The following PSD3 variants were observed in gnomAD, a reference collection of about 807,000 sequenced individuals.
PSD3 encodes the protein pleckstrin and Sec7 domain containing 3.
In PSD3, 49 loss-of-function variants were observed where a neutral mutation model predicts 105.5. The ratio of observed to expected loss-of-function variants is 0.46; its 90% confidence interval spans 0.37 to 0.59. The LOEUF is 0.59. PSD3 is among the 20% of genes least tolerant of loss of function. The probability of loss-of-function intolerance (pLI) is 0.00; values close to 1 mark genes in which losing one functional copy is unlikely to be tolerated. For synonymous variants in PSD3, 557 were observed against 457.8 expected (o/e 1.22, Z -2.77); for missense variants, 1,561 against 1,263.8 (o/e 1.24, Z -3.57).
intron 1 of PSD3, among the ~76,000 whole-genome samples, chr8:18,973,551 C>A (rs1354966932): frequency 6.6e-6 from 1 of 152,096 alleles, no homozygotes; most frequent in African/African-American, 2.4e-5. Context: ...TCCTTATGAC[C>A]CCATTTAACC....
chr8:18,805,006 T>G, intron 4 of PSD3, 108 bp from the exon 5 acceptor site: 1 of 938,106 alleles, frequency 1.1e-6, no homozygotes, highest in Non-Finnish European at 1.6e-6. Flanking sequence ...TACACTTAGA[T>G]GAGATCACTG....
intron 2 of PSD3, among the ~76,000 whole-genome samples, chr8:18,883,177 C>G (rs74829183): frequency 6.6e-6 from 1 of 152,122 alleles, no homozygotes; most frequent in Non-Finnish European, 1.5e-5. Flanking sequence ...GAGAAACACA[C>G]CTCCAGAAAA....
chr8:19,072,848 T>A (rs1245393533), intron 1 of PSD3, among the ~76,000 whole-genome samples: 2 of 152,210 alleles, frequency 1.3e-5, no homozygotes, highest in Non-Finnish European at 2.9e-5. Flanking sequence ...GGCTCTGAAG[T>A]CTGTACTGTG....
intron 2 of PSD3, among the ~76,000 whole-genome samples, chr8:18,920,506 G>GA (rs915710138): frequency 2.6e-5 from 4 of 152,166 alleles, no homozygotes; most frequent in African/African-American, 9.7e-5. Flanking sequence ...GTGATACTTT[G>GA]AAATAGTAAA....
rs1799736527 is a variant in PSD3 at position 18,534,091 on chromosome 8, CCACTTAGA to C, written c.*1644_*1651del. 1.3e-5 allele frequency: 2 copies of C among 152,276 alleles called. No individual in the cohort carries two copies. The highest frequency in any genetic ancestry group is 2.9e-5 in the Non-Finnish European group (2 of 68,022). 9.4% of individuals were successfully genotyped at this position (152,276 alleles called of 1,614,324 possible). A position where few individuals can be genotyped will look rare whatever the true frequency, so the allele number is the denominator to read the frequency against. ...AATGCTAGTACATCATAATAACATA[CCACTTAGA>C]CACTACCATGGCTTTACAGCAGGTT... On this transcript the variant is annotated 3_prime_UTR_variant, in exon 16 of 16. Transcript: ENST00000327040.
chr8:18,852,113 C>T (rs1461448473), intron 4 of PSD3, among the ~76,000 whole-genome samples: 2 of 152,010 alleles, frequency 1.3e-5, no homozygotes, highest in African/African-American at 4.8e-5. Context: ...CAAAAATTTC[C>T]CTTGACTGTT....
At chr8:18,625,187 TAC>T (rs3042894) in intron 11 of PSD3, among the ~76,000 whole-genome samples, 41,766 of 148,958 alleles carry the variant, frequency 0.28, 5,697 homozygotes, top group Middle Eastern at 0.3. Context: ...AGGTGGGGAA[TAC>T]ACACACACAC....
At position 18,675,324 on chromosome 8, in the gene PSD3, C is replaced by T. The variant is rs116877095; in HGVS notation, c.2173-19639G>A. 6.0e-3 allele frequency among the ~76,000 whole-genome samples: 913 copies of T among 152,292 alleles called. 16 individuals carry two copies. Among genetic ancestry groups the T allele is most frequent in the East Asian group, 0.036 (188 of 5,168 alleles). On this transcript the variant is annotated intron_variant, in intron 9 of 15. Coordinates refer to ENST00000327040, the MANE Select transcript of PSD3 (RefSeq NM_015310.4). ...GTGGATTTCTGAGTAGTAGAGCTGACGCTGACACCACTAAACTGCAGCTGA... is the reference window on the plus strand; with the variant it reads ...GTGGATTTCTGAGTAGTAGAGCTGATGCTGACACCACTAAACTGCAGCTGA...
chr8:18,574,312 G>C (rs991621024), intron 13 of PSD3, among the ~76,000 whole-genome samples: 1 of 151,982 alleles, frequency 6.6e-6, no homozygotes, highest in Non-Finnish European at 1.5e-5. Context: ...ACTGTTTTTT[G>C]CATCAATTCT....
chr8:18,849,865 G>T (rs946928437), intron 4 of PSD3, among the ~76,000 whole-genome samples: 2 of 150,368 alleles, frequency 1.3e-5, no homozygotes, highest in African/African-American at 5.0e-5. Context: ...CAATCGATGA[G>T]TTCCCCAAGG....
At chr8:18,591,951 G>A (rs1355784357) in intron 12 of PSD3, among the ~76,000 whole-genome samples, 1 of 152,120 alleles carries the variant, frequency 6.6e-6, no homozygotes, top group Non-Finnish European at 1.5e-5. Context: ...GGCTTCTGCT[G>A]TAGCAAGCCA....
chr8:18,852,271 C>CA (rs1329236451), intron 4 of PSD3, among the ~76,000 whole-genome samples: 2 of 152,128 alleles, frequency 1.3e-5, no homozygotes, highest in African/African-American at 4.8e-5. Context: ...CCAGGAAACT[C>CA]AGACCAGGCA....
intron 9 of PSD3, among the ~76,000 whole-genome samples, chr8:18,710,012 G>A (rs1802152329): frequency 6.6e-6 from 1 of 152,212 alleles, no homozygotes; most frequent in Admixed American, 6.5e-5. Flanking sequence ...AGTGATAGAA[G>A]TAAGCTTCAC....
intron 14 of PSD3, among the ~76,000 whole-genome samples, chr8:18,571,712 C>T (rs1802151376): frequency 6.6e-6 from 1 of 152,178 alleles, no homozygotes. Context: ...TGCCATGGGA[C>T]ACATCTTATG....
At chr8:18,949,244 A>AAAAAATAT (rs1345423514) in intron 1 of PSD3, among the ~76,000 whole-genome samples, 1 of 14,408 alleles carries the variant, frequency 6.9e-5, no homozygotes, top group East Asian at 1.8e-3. Flanking sequence ...AAAAAAAAAA[A>AAAAAATAT]ATATATATAT....
rs147487999 is a variant in PSD3 at position 18,658,325 on chromosome 8, A to C, written c.2173-2640T>G. Among the ~76,000 whole-genome samples, 3 of 152,212 alleles carry C rather than the reference A, an allele frequency of 2.0e-5. No homozygotes were observed. In the East Asian group the frequency reaches 5.8e-4, roughly 29 times the overall value. ...AAAACTTAAATACACTCTCAACACA[A>C]CTTCCCATCTTTTTATCTACTCAGC... is the stretch of plus-strand genomic sequence containing the variant. On this transcript the variant is annotated intron_variant, in intron 9 of 15. Transcript: ENST00000327040.
At chr8:18,985,704 G>A (rs891465330) in intron 1 of PSD3, among the ~76,000 whole-genome samples, 4 of 152,068 alleles carry the variant, frequency 2.6e-5, no homozygotes, top group Non-Finnish European at 5.9e-5. Context: ...ACTAAAAGCA[G>A]GCATTTCAAT....
chr8:19,070,533 C>A (rs1014102806), intron 1 of PSD3, among the ~76,000 whole-genome samples: 1 of 152,062 alleles, frequency 6.6e-6, no homozygotes, highest in Admixed American at 6.6e-5. Flanking sequence ...AAAAAATTAG[C>A]CAGGCTTGGT....
At chr8:18,767,777 A>G (rs1807144146) in intron 8 of PSD3, among the ~76,000 whole-genome samples, 1 of 151,954 alleles carries the variant, frequency 6.6e-6, no homozygotes, top group African/African-American at 2.4e-5. Context: ...AAAATAAAAA[A>G]ACCAACCAAC....
Sources: gnomAD v4.1 joint callset for allele counts (sites outside exome capture counted in the v4.1 genomes callset) on GRCh38, gnomAD v4.1.1 for gene constraint, MANE v1.5 for transcripts, NCBI Gene and HGNC (gene_info 2026-07-23, HGNC 2026-07-21) for gene names.